Variants in SVIL observed in about 807,000 individuals in gnomAD.
The protein encoded by SVIL is supervillin, also known as archvillin.
SVIL carries 101 observed loss-of-function variants against 240.4 expected under a neutral mutation model. The observed-to-expected ratio is 0.42, with a 90% CI of 0.36 to 0.50. The LOEUF (loss-of-function observed/expected upper bound fraction) is 0.50, where lower values mean the gene tolerates loss of function less well. SVIL is among the 20% of genes least tolerant of loss of function. The probability of loss-of-function intolerance (pLI) is 0.01; values close to 1 mark genes in which losing one functional copy is unlikely to be tolerated. For missense variants in SVIL, 2,512 were observed against 2,818.7 expected (o/e 0.89, Z 2.46); for synonymous variants, 999 against 1,100.0 (o/e 0.91, Z 1.82).
At chr10:29,620,927 T>C (rs1400150139) in intron 1 of SVIL, among the ~76,000 whole-genome samples, 3 of 151,916 alleles carry the variant, frequency 2.0e-5, no homozygotes, top group Non-Finnish European at 2.9e-5. Context: ...TATCCCTGAC[T>C]TTTTAAATAA....
At chr10:29,587,801 A>G (rs967036403) in intron 1 of SVIL, among the ~76,000 whole-genome samples, 1 of 152,238 alleles carries the variant, frequency 6.6e-6, no homozygotes, top group Non-Finnish European at 1.5e-5. Context: ...GCTTAAAAAG[A>G]AGCCATAGGT....
At chr10:29,486,263 T>C (rs748306184) in intron 25 of SVIL, 33 bp from the exon 26 acceptor site, 6 of 1,610,078 alleles carry the variant, frequency 3.7e-6, no homozygotes, top group Non-Finnish European at 5.1e-6. Flanking sequence ...GAGCATCACA[T>C]TTTACATTGC....
intron 1 of SVIL, among the ~76,000 whole-genome samples, chr10:29,610,156 T>C (rs1450934920): frequency 6.6e-6 from 1 of 152,178 alleles, no homozygotes; most frequent in Non-Finnish European, 1.5e-5. Flanking sequence ...CTCTGAGTTC[T>C]TGCAGATCTC....
upstream of SVIL, among the ~76,000 whole-genome samples, chr10:29,638,017 A>G (rs1958366916): frequency 6.6e-6 from 1 of 151,266 alleles, no homozygotes; most frequent in Admixed American, 6.6e-5. Flanking sequence ...GAACTCTTCT[A>G]TTGGATTGAC....
chr10:29,521,356 C>T (rs977041615), intron 16 of SVIL, among the ~76,000 whole-genome samples: 11 of 151,978 alleles, frequency 7.2e-5, no homozygotes, highest in African/African-American at 2.7e-4. Flanking sequence ...TGCAGACTTC[C>T]GTGTGGTGGG....
chr10:29,709,247 A>ATC (rs780063785), intron 1 of SVIL, among the ~76,000 whole-genome samples: 2 of 152,222 alleles, frequency 1.3e-5, no homozygotes, highest in Non-Finnish European at 2.9e-5. Context: ...CCAGCTGAGC[A>ATC]TCTCTAATCC....
intron 3 of SVIL, among the ~76,000 whole-genome samples, chr10:29,654,563 T>C (rs967239370): frequency 1.3e-5 from 2 of 152,198 alleles, no homozygotes; most frequent in South Asian, 4.1e-4. Context: ...TCCAGCACAA[T>C]ACTGTATTAG....
chr10:29,577,128 C>T (rs1467976789), intron 1 of SVIL, among the ~76,000 whole-genome samples: 1 of 152,198 alleles, frequency 6.6e-6, no homozygotes, highest in Non-Finnish European at 1.5e-5. Flanking sequence ...ATCCACCTGC[C>T]TCGGTTTCCC....
At chr10:29,544,705 A>G (rs999657444) in intron 6 of SVIL, among the ~76,000 whole-genome samples, 1 of 139,004 alleles carries the variant, frequency 7.2e-6, no homozygotes, top group South Asian at 2.6e-4. Flanking sequence ...CTGCAGTGAG[A>G]TTGTGCTACT....
At chr10:29,697,411 G>T (rs1434400232) in intron 1 of SVIL, among the ~76,000 whole-genome samples, 5 of 83,098 alleles carry the variant, frequency 6.0e-5, no homozygotes, top group Non-Finnish European at 4.6e-5. Context: ...GAAATCAGAT[G>T]GTTGCCGTGT....
rs531071958 is a variant in SVIL at position 29,484,198 on chromosome 10, A to G, written c.4955+458T>C. Among the ~76,000 whole-genome samples, 1 of 152,308 alleles carries G rather than the reference A, an allele frequency of 6.6e-6. No homozygotes were observed. The highest frequency in any genetic ancestry group is 1.9e-4 in the East Asian group (1 of 5,192). ...TCCCAAAAGATATAAAGACATAAAC[A>G]TCATCTGCTGCCAAATAAATCCTGA... On this transcript the variant is annotated intron_variant, in intron 27 of 37. Transcript: ENST00000355867. The surrounding 1 kb of genome is among the most constrained non-coding windows in gnomAD (Gnocchi z 4.7).
chr10:29,505,239 T>A (rs1949184519), intron 17 of SVIL, among the ~76,000 whole-genome samples: 1 of 152,092 alleles, frequency 6.6e-6, no homozygotes, highest in Admixed American at 6.5e-5. Context: ...GGCAGGAGAA[T>A]CGCTTGAACC....
intron 1 of SVIL, among the ~76,000 whole-genome samples, chr10:29,632,086 C>T (rs1455363989): frequency 6.6e-6 from 1 of 152,234 alleles, no homozygotes; most frequent in African/African-American, 2.4e-5. Flanking sequence ...GCAGCTTACT[C>T]TCCATAACGC....
Position 29,550,917 on chromosome 10 carries a change from C to G in SVIL, c.507G>C (p.Gly169=). 6.2e-7 allele frequency: 1 copy of G among 1,614,064 alleles called. No homozygotes were observed. The highest frequency in any genetic ancestry group is 8.5e-7 in the Non-Finnish European group (1 of 1,180,020). The change falls in exon 6 of 38, where the codon GGG becomes GGC. Residue 169 remains glycine (G), a synonymous_variant. Transcript: ENST00000355867. ...SSRDASSLYP[G]TETMGLRTCA... is the part of the protein sequence containing the mutation. ...AGGTCCTGAGCCCCATCGTCTCGGT[C>G]CCGGGGTACAGAGAACTAGCATCTC... is the stretch of plus-strand genomic sequence containing the variant.
At chr10:29,734,921 G>C (rs1467135060) in intron 1 of SVIL, among the ~76,000 whole-genome samples, 1 of 152,142 alleles carries the variant, frequency 6.6e-6, no homozygotes, top group East Asian at 1.9e-4. Flanking sequence ...TCCCCAGCTG[G>C]CCTCTCCCCT....
chr10:29,708,069 A>T (rs974789015), intron 1 of SVIL, among the ~76,000 whole-genome samples: 1 of 151,178 alleles, frequency 6.6e-6, no homozygotes, highest in Non-Finnish European at 1.5e-5. Flanking sequence ...CATCCTGGCT[A>T]ACACGGTGAA....
intron 17 of SVIL, chr10:29,508,343 C>T: frequency 7.8e-7 from 1 of 1,288,778 alleles, no homozygotes; most frequent in Non-Finnish European, 1.0e-6. Context: ...CAGGCTTACC[C>T]AAAGCAGATT....
intron 1 of SVIL, among the ~76,000 whole-genome samples, chr10:29,732,205 T>A (rs770868048): frequency 8.5e-6 from 1 of 118,300 alleles, no homozygotes; most frequent in Non-Finnish European, 1.9e-5. Flanking sequence ...CTCTCTGTCC[T>A]CCTGTCCATG....
intron 11 of SVIL, 30 bp downstream of exon 11, chr10:29,530,577 T>A (rs1461041510): frequency 3.1e-6 from 5 of 1,613,482 alleles, no homozygotes; most frequent in Non-Finnish European, 4.2e-6. Context: ...CCAGTAGGGA[T>A]CTCTATTCAA....
Sources: allele counts gnomAD v4.1 joint callset (sites outside exome capture counted in the v4.1 genomes callset), GRCh38; gene constraint gnomAD v4.1.1; non-coding constraint Gnocchi (gnomAD v3.1); transcripts MANE v1.5; gene names NCBI Gene and HGNC (gene_info 2026-07-23, HGNC 2026-07-21).